Variants in CCDC141 observed in about 807,000 individuals in gnomAD.
CCDC141 encodes coiled-coil domain-containing protein 141.
A neutral mutation model predicts 181.0 loss-of-function variants in CCDC141; 168 were observed. That is an observed-to-expected ratio of 0.93 (90% CI 0.82 to 1.05). CCDC141 has a LOEUF of 1.05. Among genes scored for constraint, CCDC141 ranks in the 50% least tolerant of loss-of-function variants. The probability of loss-of-function intolerance (pLI) is 0.00; values close to 1 mark genes in which losing one functional copy is unlikely to be tolerated. For synonymous variants in CCDC141, 666 were observed against 642.3 expected (o/e 1.04, Z -0.56); for missense variants, 1,902 against 1,788.5 (o/e 1.06, Z -1.14).
intron 22 of CCDC141, among the ~76,000 whole-genome samples, chr2:178,843,782 C>G (rs544395061): frequency 6.6e-6 from 1 of 152,170 alleles, no homozygotes; most frequent in Non-Finnish European, 1.5e-5. Context: ...TGTGGAGAAT[C>G]ATTACATCTG....
intron 10 of CCDC141, among the ~76,000 whole-genome samples, 180 bp from the exon 11 acceptor site, chr2:178,885,272 T>C (rs1473326083): frequency 6.6e-6 from 1 of 150,670 alleles, no homozygotes; most frequent in Non-Finnish European, 1.5e-5. Flanking sequence ...CACTTTAGAA[T>C]GAAAATCATT....
chr2:178,933,851 T>G (rs566887721), intron 6 of CCDC141, among the ~76,000 whole-genome samples: 36 of 152,292 alleles, frequency 2.4e-4, no homozygotes, highest in African/African-American at 7.9e-4. Flanking sequence ...AACTAAGGAC[T>G]GTGGCAGACT....
chr2:178,827,837 G>A (rs1410252739), downstream of CCDC141, among the ~76,000 whole-genome samples: 1 of 152,166 alleles, frequency 6.6e-6, no homozygotes, highest in South Asian at 2.1e-4. Context: ...CAACAGAAAT[G>A]TATTCTTTCA....
chr2:178,885,244 T>TGAA lies in CCDC141; in HGVS notation c.1528-153_1528-152insTTC, dbSNP rs535328260. 3.6e-5 allele frequency among the ~76,000 whole-genome samples: 5 copies of TGAA among 137,192 alleles called. 1 individual carries two copies. The highest frequency in any genetic ancestry group is 1.1e-4 in the African/African-American group (4 of 37,546). The allele number at this position is 137,192 out of a possible 152,430, so 90.0% of individuals were successfully genotyped here. A position where few individuals can be genotyped will look rare whatever the true frequency, so the allele number is the denominator to read the frequency against. ...AAGAAAGACACAACTTCCAAAATTCTAAAAAAAAAAAAAAGGGCACTTTAG... is the reference window on the plus strand; with the variant it reads ...AAGAAAGACACAACTTCCAAAATTCTGAAAAAAAAAAAAAAAAGGGCACTTTAG... On this transcript the variant is annotated intron_variant, in intron 10 of 23. Coordinates refer to ENST00000443758, the MANE Select transcript of CCDC141 (RefSeq NM_173648.4).
At chr2:178,918,097 C>T (rs938314916) in intron 7 of CCDC141, among the ~76,000 whole-genome samples, 2 of 152,068 alleles carry the variant, frequency 1.3e-5, no homozygotes, top group African/African-American at 4.8e-5. Flanking sequence ...CGAAACAGAC[C>T]AGTGGCAGCT....
chr2:178,986,886 T>C (rs1308271093), intron 2 of CCDC141, among the ~76,000 whole-genome samples: 3 of 151,824 alleles, frequency 2.0e-5, no homozygotes, highest in African/African-American at 7.3e-5. Context: ...AAAATGGCCA[T>C]ACTGCCCAAG....
At chr2:178,828,161 A>T (rs1220034201), downstream of CCDC141, among the ~76,000 whole-genome samples, 2 of 152,128 alleles carry the variant, frequency 1.3e-5, no homozygotes, top group Admixed American at 1.3e-4. Flanking sequence ...TTACTGGGTA[A>T]CAAAAATTGT....
intron 14 of CCDC141, among the ~76,000 whole-genome samples, chr2:178,869,745 T>C (rs1361099897): frequency 6.6e-6 from 1 of 152,118 alleles, no homozygotes; most frequent in Non-Finnish European, 1.5e-5. Context: ...TTGTGCTCTG[T>C]GATAAAAGAA....
Position 178,886,770 on chromosome 2 carries a change from T to A in CCDC141, c.1509A>T (p.Glu503Asp). The A allele has an allele frequency of 6.9e-7, 1 of 1,445,164 alleles. No individual in the cohort carries two copies. Among genetic ancestry groups the A allele is most frequent in the Non-Finnish European group, 9.3e-7 (1 of 1,079,352 alleles). The allele number at this position is 1,445,164 out of a possible 1,614,324, so 89.5% of individuals were successfully genotyped here. A position where few individuals can be genotyped will look rare whatever the true frequency, so the allele number is the denominator to read the frequency against. Reference protein sequence around the residue: ...ESEKILNKYLELDIQAKETSH... With the variant: ...ESEKILNKYLDLDIQAKETSH... ...TATTTACCTTAGCTTGGATATCTAG[T>A]TCCAGATATTTATTCAAAATCTTCT... The change falls in exon 10 of 24, where the codon GAA becomes GAT. Residue 503 changes from glutamate to aspartate, a missense_variant. Coordinates refer to ENST00000443758, the MANE Select transcript of CCDC141 (RefSeq NM_173648.4).
At position 178,878,093 on chromosome 2, in the gene CCDC141, A is replaced by T; in HGVS notation, c.1770T>A (p.Pro590=). The change falls in exon 12 of 24, where the codon CCT becomes CCA. Residue 590 remains proline, a synonymous_variant. Coordinates refer to ENST00000443758, the MANE Select transcript of CCDC141 (RefSeq NM_173648.4). ...SLKEFYETEI[P]QKEQDDAKAK... is the part of the protein sequence containing the mutation. The stretch of plus-strand genomic sequence containing the variant: ...CTTTAGCATCATCCTGCTCCTTCTG[A>T]GGGATTTCGGTTTCATAAAATTCTT... 6.2e-7 allele frequency: 1 copy of T among 1,609,990 alleles called. No individual in the cohort carries two copies. Among genetic ancestry groups the T allele is most frequent in the Non-Finnish European group, 8.5e-7 (1 of 1,179,098 alleles).
At chr2:178,901,596 G>A (rs1251242022) in intron 8 of CCDC141, among the ~76,000 whole-genome samples, 2 of 152,104 alleles carry the variant, frequency 1.3e-5, no homozygotes, top group Admixed American at 6.6e-5. Flanking sequence ...AGGTCTTGAT[G>A]GGACGTATCT....
chr2:178,827,254 T>C (rs1192953769), downstream of CCDC141, among the ~76,000 whole-genome samples: 6 of 152,282 alleles, frequency 3.9e-5, no homozygotes, highest in Middle Eastern at 3.4e-3. Flanking sequence ...TAATGGATGA[T>C]ATATGGCCAA....
intron 6 of CCDC141, among the ~76,000 whole-genome samples, chr2:178,928,412 T>G (rs80188693): frequency 0.047 from 7,133 of 152,320 alleles, 215 homozygotes; most frequent in South Asian, 0.079. Flanking sequence ...TGTGTTAAGG[T>G]ATAAGAAGTC....
At chr2:179,002,358 G>C in intron 2 of CCDC141, 1 of 282,878 alleles carries the variant, frequency 3.5e-6, no homozygotes, top group Non-Finnish European at 6.9e-6. Flanking sequence ...TTGCATTGTG[G>C]ATGTCAATCT....
intron 2 of CCDC141, among the ~76,000 whole-genome samples, chr2:179,032,275 C>A (rs1234617004): frequency 6.6e-6 from 1 of 152,192 alleles, no homozygotes; most frequent in Admixed American, 6.5e-5. Context: ...GACCATTGAT[C>A]TTCTGGCCAG....
chr2:179,049,589 CTTTTTTTTTTTT>C (rs199994228), intron 1 of CCDC141, among the ~76,000 whole-genome samples: 1 of 135,592 alleles, frequency 7.4e-6, no homozygotes, highest in East Asian at 2.1e-4. Flanking sequence ...TCTTTCTTTT[CTTTTTTTTTTTT>C]TTTTTAAATC....
At chr2:178,856,042 A>G (rs1054808668) in intron 18 of CCDC141, among the ~76,000 whole-genome samples, 2 of 152,172 alleles carry the variant, frequency 1.3e-5, no homozygotes, top group Admixed American at 1.3e-4. Flanking sequence ...TTTGGCAGAA[A>G]CCATTCTGGA....
rs958138950 is a variant in CCDC141 at position 179,040,355 on chromosome 2, C to A, written c.225+6929G>T. 2.6e-5 allele frequency among the ~76,000 whole-genome samples: 4 copies of A among 152,306 alleles called. No individual in the cohort carries two copies. The East Asian group carries it at 5.8e-4, about 22-fold the overall frequency. Reference sequence around the variant, plus strand: ...CTTCTAAAGAGCATAGAAAAGGAAACCCCTCTTCTTTCTTTTATTTCCAAC... The same window carrying A: ...CTTCTAAAGAGCATAGAAAAGGAAAACCCTCTTCTTTCTTTTATTTCCAAC... On this transcript the variant is annotated intron_variant, in intron 2 of 23. Coordinates refer to ENST00000443758, the MANE Select transcript of CCDC141 (RefSeq NM_173648.4).
chr2:179,047,513 A>C, intron 1 of CCDC141, 107 bp from the exon 2 acceptor site: 1 of 990,430 alleles, frequency 1.0e-6, no homozygotes, highest in Non-Finnish European at 1.4e-6. Context: ...TACTGTAAAC[A>C]CTTTTTTCTA....
Sources: allele counts gnomAD v4.1 joint callset (sites outside exome capture counted in the v4.1 genomes callset), GRCh38; gene constraint gnomAD v4.1.1; transcripts MANE v1.5; gene names NCBI Gene and HGNC (gene_info 2026-07-23, HGNC 2026-07-21).